Variants in CNTNAP3B observed in about 807,000 individuals in gnomAD.
CNTNAP3B encodes the protein contactin associated protein family member 3B.
CNTNAP3B carries 25 observed loss-of-function variants against 108.9 expected under a neutral mutation model. The ratio of observed to expected loss-of-function variants is 0.23; its 90% CI spans 0.17 to 0.32. The LOEUF (loss-of-function observed/expected upper bound fraction) is 0.32. CNTNAP3B is among the 10% of genes least tolerant of loss of function. The pLI, the probability that CNTNAP3B is intolerant of heterozygous loss-of-function variation, is 1.00. For missense variants in CNTNAP3B, 252 were observed against 1,210.4 expected, an observed-to-expected ratio of 0.21 and a Z score of 11.75; for synonymous variants, 103 against 473.4, an observed-to-expected ratio of 0.22 and a Z score of 10.16.
At chr9:41,934,501 G>A (rs1175180287) in intron 14 of CNTNAP3B, among the ~76,000 whole-genome samples, 27 of 152,340 alleles carry the variant, frequency 1.8e-4, no homozygotes, top group Admixed American at 7.8e-4. Flanking sequence ...GATTACAGGC[G>A]TGAGCCACGG....
chr9:41,924,307 C>T (rs1459045972), intron 15 of CNTNAP3B, among the ~76,000 whole-genome samples: 1 of 152,304 alleles, frequency 6.6e-6, no homozygotes, highest in Non-Finnish European at 1.5e-5. Context: ...TCAGAGAAGG[C>T]CAAACAAAAG....
chr9:42,026,770 G>C (rs1420257921), intron 3 of CNTNAP3B, among the ~76,000 whole-genome samples: 1 of 135,606 alleles, frequency 7.4e-6, no homozygotes, highest in Non-Finnish European at 1.6e-5. Context: ...TATAGGACCT[G>C]TGAGCCTGTA....
At chr9:42,096,090 C>T (rs1255515536) in intron 2 of CNTNAP3B, among the ~76,000 whole-genome samples, 1 of 139,770 alleles carries the variant, frequency 7.2e-6, no homozygotes, top group Non-Finnish European at 1.5e-5. Flanking sequence ...TCCTCACCGG[C>T]CACCAGAGCT....
At chr9:41,942,341 T>C (rs1824377310) in intron 13 of CNTNAP3B, among the ~76,000 whole-genome samples, 1 of 152,394 alleles carries the variant, frequency 6.6e-6, no homozygotes, top group South Asian at 2.1e-4. Flanking sequence ...TCGGGTGAGG[T>C]GGCTCAAGCC....
rs1235478042 is a variant in CNTNAP3B, at chr9:42,111,942, C to A, written c.86-7203G>T. The stretch of plus-strand genomic sequence containing the variant: ...TTTTAAACTATTGCTGAGTGCAAGT[C>A]ACACAAACAGCCATATCAACGAGCT... On this transcript the variant is annotated intron_variant, in intron 1 of 23. Transcript: ENST00000377561. Among the ~76,000 whole-genome samples the A allele has an allele frequency of 2.2e-5, 3 of 139,010 alleles. 1 individual carries two copies. Among genetic ancestry groups the A allele is most frequent in the Non-Finnish European group, 3.1e-5 (2 of 64,950 alleles). 91.2% of individuals were successfully genotyped at this position (139,010 alleles called of 152,430 possible).
chr9:41,920,283 A>G lies in CNTNAP3B; in HGVS notation c.2782T>C (p.Phe928Leu), dbSNP rs1823633118. ...IGGTATRQRGFLGCIRSLQLN... is the reference protein window; with the variant it reads ...IGGTATRQRGLLGCIRSLQLN... ...TGCAGAGACCGAATGCATCCTAGAA[A>G]GCCTCTCTGTCTGGTGGCCGTTCCA... The change falls in exon 18 of 24, where the codon TTT (phenylalanine) becomes CTT (leucine). Residue 928 changes from phenylalanine (F) to leucine (L), a missense_variant. Transcript: ENST00000377561. 6.7e-7 allele frequency: 1 copy of G among 1,503,516 alleles called. No individual in the cohort carries two copies. The highest frequency in any genetic ancestry group is 1.4e-5 in the African/African-American group (1 of 71,744). The allele number at this position is 1,503,516 out of a possible 1,614,324, so 93.1% of individuals were successfully genotyped here. A position where few individuals can be genotyped will look rare whatever the true frequency, so the allele number is the denominator to read the frequency against.
intron 7 of CNTNAP3B, among the ~76,000 whole-genome samples, chr9:41,995,757 C>T (rs1313458370): frequency 7.6e-6 from 1 of 131,666 alleles, no homozygotes; most frequent in South Asian, 2.5e-4. Context: ...AAAAATTGGC[C>T]AGGCCCGGTG....
chr9:41,935,072 T>C (rs1411919844), intron 14 of CNTNAP3B, among the ~76,000 whole-genome samples: 3 of 152,392 alleles, frequency 2.0e-5, no homozygotes, highest in Admixed American at 2.0e-4. Context: ...TATTTGAACA[T>C]AGTCCACTAT....
At chr9:42,085,019 A>C in intron 2 of CNTNAP3B, among the ~76,000 whole-genome samples, 1 of 120,754 alleles carries the variant, frequency 8.3e-6, no homozygotes, top group South Asian at 3.1e-4. Flanking sequence ...TTAATAACTA[A>C]TGTAGGAGAG....
In CNTNAP3B at chr9:41,967,129, T is replaced by C. The variant is rs1436634392; in HGVS notation, c.1650-2485A>G. Among the ~76,000 whole-genome samples the C allele has an allele frequency of 1.3e-5, 2 of 149,324 alleles. 1 individual carries two copies. The highest frequency in any genetic ancestry group is 4.3e-4 in the South Asian group (2 of 4,688). Reference sequence around the variant, plus strand: ...CCCTAAGTAGGATTTTTAGGTGTGGTATTTGAGTAACATATGTTTCTACTT... The same window carrying C: ...CCCTAAGTAGGATTTTTAGGTGTGGCATTTGAGTAACATATGTTTCTACTT... On this transcript the variant is annotated intron_variant, in intron 10 of 23. Coordinates refer to ENST00000377561, the MANE Select transcript of CNTNAP3B (RefSeq NM_001201380.3).
At chr9:41,945,519 A>G (rs1368098081) in intron 13 of CNTNAP3B, among the ~76,000 whole-genome samples, 1 of 152,308 alleles carries the variant, frequency 6.6e-6, no homozygotes, top group African/African-American at 2.4e-5. Context: ...CGCAAGGACA[A>G]AAAACCAAAC....
chr9:41,960,542 T>C (rs552747062), intron 12 of CNTNAP3B, among the ~76,000 whole-genome samples: 1 of 152,354 alleles, frequency 6.6e-6, no homozygotes, highest in East Asian at 1.9e-4. Context: ...TTATGAGGAG[T>C]GTAGGAGCTA....
In CNTNAP3B at chr9:42,124,206, C is replaced by T. The variant is rs1204723199; in HGVS notation, c.85+4804G>A. Among the ~76,000 whole-genome samples, 137 of 134,532 alleles carry T rather than the reference C, an allele frequency of 1.0e-3. 22 individuals are homozygous for T. Among genetic ancestry groups the T allele is most frequent in the African/African-American group, 3.8e-3 (128 of 33,444 alleles). 88.3% of individuals were successfully genotyped at this position (134,532 alleles called of 152,430 possible). On this transcript the variant is annotated intron_variant, in intron 1 of 23. Transcript: ENST00000377561. ...TCAATCACTCTTCGTATTATTACAA[C>T]AAAAATGTTCATTAACTGGAACACA...
At chr9:41,969,581 A>G (rs1825381585) in intron 10 of CNTNAP3B, among the ~76,000 whole-genome samples, 1 of 151,884 alleles carries the variant, frequency 6.6e-6, no homozygotes, top group Non-Finnish European at 1.5e-5. Context: ...ATAAAATACT[A>G]TCATTTAAAA....
chr9:42,112,998 A>G lies in CNTNAP3B; in HGVS notation c.86-8259T>C, dbSNP rs1587281742. Among the ~76,000 whole-genome samples the G allele has an allele frequency of 1.1e-4, 14 of 131,498 alleles. 1 individual carries two copies. The South Asian group carries it at 3.5e-3, about 33-fold the overall frequency. 86.3% of individuals were successfully genotyped at this position (131,498 alleles called of 152,430 possible). ...TATCGATCTCCTGATCTCGTGATCC[A>G]CCTGCCTCAACCTCCCAAAGTGCTG... On this transcript the variant is annotated intron_variant, in intron 1 of 23. Transcript: ENST00000377561.
chr9:41,937,283 C>T (rs1371289166), intron 14 of CNTNAP3B, among the ~76,000 whole-genome samples: 1 of 151,744 alleles, frequency 6.6e-6, no homozygotes, highest in Admixed American at 6.6e-5. Flanking sequence ...CACACAGCCA[C>T]ACCTGGCTAA....
At chr9:41,981,892 C>CAATAATAATAATAATAATAAT (rs1554746914) in intron 9 of CNTNAP3B, among the ~76,000 whole-genome samples, 53 of 34,236 alleles carry the variant, frequency 1.5e-3, no homozygotes, top group Middle Eastern at 0.011. Context: ...TCTCTACAAA[C>CAATAATAATAATAATAATAAT]AATAATAATA....
intron 2 of CNTNAP3B, among the ~76,000 whole-genome samples, chr9:42,095,580 G>T (rs1269699026): frequency 1.5e-5 from 2 of 137,602 alleles, no homozygotes; most frequent in Non-Finnish European, 3.1e-5. Flanking sequence ...TCATTCTGCA[G>T]GTATAAATTT....
intron 13 of CNTNAP3B, among the ~76,000 whole-genome samples, chr9:41,947,285 A>G (rs1175278821): frequency 6.6e-6 from 1 of 152,182 alleles, no homozygotes; most frequent in African/African-American, 2.4e-5. Flanking sequence ...ACCTCAACAT[A>G]TTTAAAAGAA....
Sources: allele counts gnomAD v4.1 joint callset (sites outside exome capture counted in the v4.1 genomes callset), GRCh38; gene constraint gnomAD v4.1.1; transcripts MANE v1.5; gene names NCBI Gene and HGNC (gene_info 2026-07-23, HGNC 2026-07-21).